Variants in BPTF observed in about 807,000 individuals in gnomAD.
The protein encoded by BPTF is bromodomain PHD finger transcription factor.
A neutral mutation model predicts 292.5 loss-of-function variants in BPTF; 18 were observed. The observed-to-expected ratio is 0.06, with a 90% CI of 0.04 to 0.09. The LOEUF is 0.09. Among genes scored for constraint, BPTF ranks in the 10% least tolerant of loss-of-function variants. The pLI, the probability that BPTF is intolerant of heterozygous loss-of-function variation, is 1.00. For missense variants in BPTF, 2,726 were observed against 3,498.7 expected (o/e 0.78, Z 5.57); for synonymous variants, 1,225 against 1,251.9 (o/e 0.98, Z 0.45).
intron 7 of BPTF, among the ~76,000 whole-genome samples, chr17:67,898,672 TTTTTGAAGATG>T (rs2061612727): frequency 6.9e-6 from 1 of 145,760 alleles, no homozygotes; most frequent in African/African-American, 2.8e-5. Context: ...TTTTTTTTTT[TTTTTGAAGATG>T]TATTGCAAAC....
chr17:67,969,445 CTG>C (rs1842687868), intron 26 of BPTF, among the ~76,000 whole-genome samples: 1 of 88,200 alleles, frequency 1.1e-5, no homozygotes, highest in Non-Finnish European at 2.1e-5. Context: ...GAGAAAAACT[CTG>C]TCTCCAAAAA....
intron 4 of BPTF, among the ~76,000 whole-genome samples, chr17:67,876,603 C>T (rs561562666): frequency 2.0e-5 from 3 of 152,068 alleles, no homozygotes; most frequent in Non-Finnish European, 4.4e-5. Flanking sequence ...GTCAGGAGTT[C>T]GAGACCAGCC....
intron 19 of BPTF, among the ~76,000 whole-genome samples, chr17:67,942,975 A>G (rs1243278989): frequency 1.3e-5 from 2 of 152,164 alleles, no homozygotes; most frequent in Admixed American, 1.3e-4. Flanking sequence ...AGGGGGCACT[A>G]TTCCCATTGT....
At chr17:67,979,222 A>G (rs868947361) in intron 27 of BPTF, among the ~76,000 whole-genome samples, 23 of 150,462 alleles carry the variant, frequency 1.5e-4, no homozygotes, top group African/African-American at 5.4e-4. Context: ...GGTGCTACAG[A>G]GAAAAATATT....
intron 27 of BPTF, among the ~76,000 whole-genome samples, chr17:67,981,132 CTG>C (rs1417906601): frequency 6.6e-6 from 1 of 152,230 alleles, no homozygotes; most frequent in Non-Finnish European, 1.5e-5. Flanking sequence ...GCACTCCAGA[CTG>C]TGCTACAGAG....
chr17:67,872,451 C>T (rs2059800619), intron 3 of BPTF, among the ~76,000 whole-genome samples: 1 of 152,004 alleles, frequency 6.6e-6, no homozygotes, highest in African/African-American at 2.4e-5. Flanking sequence ...TGGTGGCTCA[C>T]ACCTGTAATC....
At chr17:67,927,009 T>TA (rs2063970822) in intron 15 of BPTF, among the ~76,000 whole-genome samples, 1 of 152,168 alleles carries the variant, frequency 6.6e-6, no homozygotes, top group Admixed American at 6.6e-5. Flanking sequence ...AGAAATTGTG[T>TA]AAAGTACTTT....
chr17:67,944,648 C>A, intron 20 of BPTF: 1 of 466,260 alleles, frequency 2.1e-6, no homozygotes, highest in Non-Finnish European at 3.9e-6. Context: ...CCCACACTTA[C>A]TCCTTGCTAA....
At position 67,947,371 on chromosome 17, in the gene BPTF, G is replaced by A. The variant is rs190134809; in HGVS notation, c.7618-355G>A. ...GAAGAAAGCATAATGTTAAAAATAC[G>A]GCCTTTGGAGAAGGATAGCCAGGTT... On this transcript the variant is annotated intron_variant, in intron 21 of 27. Transcript: ENST00000306378. Among the ~76,000 whole-genome samples, 8 of 152,230 alleles carry A rather than the reference G, an allele frequency of 5.3e-5. No homozygotes were observed. In the East Asian group the frequency reaches 1.5e-3, roughly 29 times the overall value.
At chr17:67,874,730 G>C in intron 3 of BPTF, 87 bp from the exon 4 acceptor site, 3 of 832,540 alleles carry the variant, frequency 3.6e-6, no homozygotes, top group Non-Finnish European at 5.8e-6. Flanking sequence ...TTAATAGCTT[G>C]TATTGAAACT....
At chr17:67,926,924 T>A (rs989195970) in intron 15 of BPTF, among the ~76,000 whole-genome samples, 2 of 151,972 alleles carry the variant, frequency 1.3e-5, no homozygotes, top group Non-Finnish European at 2.9e-5. Flanking sequence ...TTTTTTTTTC[T>A]TTCTTTTTTT....
chr17:67,867,358 TTA>T, intron 3 of BPTF, among the ~76,000 whole-genome samples: 1 of 152,360 alleles, frequency 6.6e-6, no homozygotes, highest in Admixed American at 6.5e-5. Flanking sequence ...ACTTTAAATT[TTA>T]GAGTATTTTT....
rs1365674429 is a variant in BPTF at position 67,983,053 on chromosome 17, G to A, written c.*765G>A. On this transcript the variant is annotated 3_prime_UTR_variant, in exon 28 of 28. Coordinates refer to ENST00000306378, the MANE Select transcript of BPTF (RefSeq NM_182641.4). Reference sequence around the variant, plus strand: ...AGTAAAATCTATTTGAAGGTATCTTGTTTGTAAACATTTGTCAGATTCTAA... The same window carrying A: ...AGTAAAATCTATTTGAAGGTATCTTATTTGTAAACATTTGTCAGATTCTAA... 6.6e-6 allele frequency: 1 copy of A among 152,252 alleles called. No individual in the cohort carries two copies. Among genetic ancestry groups the A allele is most frequent in the African/African-American group, 2.4e-5 (1 of 41,438 alleles). The allele number at this position is 152,252 out of a possible 1,614,324, so 9.4% of individuals were successfully genotyped here.
intron 16 of BPTF, 22 bp downstream of exon 16, chr17:67,928,623 A>G: frequency 6.4e-7 from 1 of 1,574,384 alleles, no homozygotes; most frequent in South Asian, 1.2e-5. Flanking sequence ...TCATTAAGTA[A>G]AAGATTACTT....
rs1459445323 is a variant in BPTF, at chr17:67,924,438, A to G, written c.5709-109A>G. Reference sequence around the variant, plus strand: ...CCAAATGTTTTATTTTTAAATTGAGATAATATCATACCTTTGTATGATGTG... The same window carrying G: ...CCAAATGTTTTATTTTTAAATTGAGGTAATATCATACCTTTGTATGATGTG... On this transcript the variant is annotated intron_variant, in intron 14 of 27. Transcript: ENST00000306378. 98 of 1,109,976 alleles carry G rather than the reference A, an allele frequency of 8.8e-5. 1 individual carries two copies. The highest frequency in any genetic ancestry group is 1.2e-4 in the Non-Finnish European group (92 of 768,826). 68.8% of individuals were successfully genotyped at this position (1,109,976 alleles called of 1,614,324 possible). A position where few individuals can be genotyped will look rare whatever the true frequency, so the allele number is the denominator to read the frequency against.
Position 67,911,145 on chromosome 17 carries a change from A to G in BPTF, c.3261A>G (p.Gly1087=), listed in dbSNP as rs1313649903. The G allele has an allele frequency of 3.1e-6, 5 of 1,613,930 alleles. No individual in the cohort carries two copies. Among genetic ancestry groups the G allele is most frequent in the Non-Finnish European group, 4.2e-6 (5 of 1,180,010 alleles). ...TCGAAAAAATCAAGTTGGAGGGTGG[A>G]ATTAAGGGTATAGGAAAGACTTCTA... ...QRLEKIKLEG[G]IKGIGKTSTN... The change falls in exon 11 of 28, where the codon GGA becomes GGG. Residue 1087 remains glycine, a synonymous_variant. Transcript: ENST00000306378.
chr17:67,929,550 G>A, intron 17 of BPTF, 63 bp downstream of exon 17: 3 of 1,532,526 alleles, frequency 2.0e-6, no homozygotes, highest in Non-Finnish European at 2.7e-6. Context: ...TTTTTAGAAT[G>A]ACTTCTTCCA....
intron 4 of BPTF, among the ~76,000 whole-genome samples, chr17:67,882,521 C>G (rs1025417416): frequency 2.0e-5 from 3 of 152,188 alleles, no homozygotes; most frequent in African/African-American, 7.2e-5. Flanking sequence ...CAGGGTATTC[C>G]TATCCTAATG....
intron 1 of BPTF, among the ~76,000 whole-genome samples, chr17:67,831,136 G>T (rs993892067): frequency 5.3e-5 from 8 of 152,168 alleles, no homozygotes; most frequent in African/African-American, 1.9e-4. Context: ...CTGCAGGATG[G>T]ATTGACAAGG....
Sources: gnomAD v4.1 joint callset for allele counts (sites outside exome capture counted in the v4.1 genomes callset) on GRCh38, gnomAD v4.1.1 for gene constraint, MANE v1.5 for transcripts, NCBI Gene and HGNC (gene_info 2026-07-23, HGNC 2026-07-21) for gene names.